The following CSMD1 variants were observed in gnomAD, a reference collection of about 807,000 sequenced individuals.
CSMD1 encodes the protein CUB and sushi domain-containing protein 1.
In CSMD1, 213 loss-of-function variants were observed where a neutral mutation model predicts 417.5. That is an observed-to-expected ratio of 0.51 (90% CI 0.46 to 0.57). The LOEUF is 0.57. Among genes scored for constraint, CSMD1 ranks in the 20% least tolerant of loss-of-function variants. The pLI is 0.00. For missense variants in CSMD1, 6,923 were observed against 4,529.7 expected, an observed-to-expected ratio of 1.53 and a Z score of -15.17; for synonymous variants, 2,862 against 1,736.8, an observed-to-expected ratio of 1.65 and a Z score of -16.11.
chr8:2,940,297 G>T (rs186329238), intron 69 of CSMD1, among the ~76,000 whole-genome samples: 1 of 152,146 alleles, frequency 6.6e-6, no homozygotes, highest in African/African-American at 2.4e-5. Flanking sequence ...CAGAAGTAGA[G>T]AACTAAAAGA....
intron 14 of CSMD1, 55 bp from the exon 15 acceptor site, chr8:3,406,276 T>TACTTGA: frequency 5.7e-6 from 8 of 1,409,294 alleles, no homozygotes; most frequent in Non-Finnish European, 7.7e-6. Flanking sequence ...ATTAATTACA[T>TACTTGA]GTATTAAAAA....
chr8:4,557,427 A>C (rs1276142862), intron 2 of CSMD1, among the ~76,000 whole-genome samples: 1 of 149,234 alleles, frequency 6.7e-6, no homozygotes, highest in African/African-American at 2.5e-5. Flanking sequence ...AAAATCTGCG[A>C]GGTTTTTTTT....
At chr8:4,950,790 G>A (rs1032270079) in intron 1 of CSMD1, among the ~76,000 whole-genome samples, 4 of 152,164 alleles carry the variant, frequency 2.6e-5, no homozygotes, top group East Asian at 1.9e-4. Context: ...GACAATGACC[G>A]TAAGCATCAC....
chr8:4,005,336 C>G (rs751858794), intron 4 of CSMD1, among the ~76,000 whole-genome samples: 1 of 152,146 alleles, frequency 6.6e-6, no homozygotes, highest in Non-Finnish European at 1.5e-5. Context: ...ATTCATTGTA[C>G]TTGCAGAAAA....
At chr8:3,585,420 G>A (rs1800559065) in intron 9 of CSMD1, among the ~76,000 whole-genome samples, 1 of 152,000 alleles carries the variant, frequency 6.6e-6, no homozygotes. Flanking sequence ...ATCATTTTAT[G>A]GCCAAAATTC....
At chr8:4,199,112 G>A (rs972066482) in intron 3 of CSMD1, among the ~76,000 whole-genome samples, 1 of 152,154 alleles carries the variant, frequency 6.6e-6, no homozygotes, top group Non-Finnish European at 1.5e-5. Context: ...AGCTTCTGCT[G>A]TCCGTAAAGT....
At position 3,106,541 on chromosome 8, in the gene CSMD1, G is replaced by A. The variant is rs1306213017; in HGVS notation, c.6936C>T (p.Leu2312=). ...AACAGTGCATACCTTCACATGTTGGGAGAGAACCCTCAAACTGCAACTGGG... is the reference window on the plus strand; with the variant it reads ...AACAGTGCATACCTTCACATGTTGGAAGAGAACCCTCAAACTGCAACTGGG... ...LSSQLQFEGS[L]PTCEAQCPAN... is the part of the protein sequence containing the mutation. Residue 2312 remains leucine, a synonymous_variant, in exon 46 of 70, where the codon CTC becomes CTT. Transcript: ENST00000635120. 1 of 1,611,880 alleles carries A rather than the reference G, an allele frequency of 6.2e-7. No homozygotes were observed. Among genetic ancestry groups the A allele is most frequent in the Non-Finnish European group, 8.5e-7 (1 of 1,178,088 alleles).
chr8:4,199,818 T>A (rs1405913672), intron 3 of CSMD1, among the ~76,000 whole-genome samples: 2 of 152,158 alleles, frequency 1.3e-5, no homozygotes, highest in Non-Finnish European at 2.9e-5. Context: ...TTTGTAGGTT[T>A]CCACTAGATA....
At chr8:3,822,354 G>C (rs114978644) in intron 5 of CSMD1, among the ~76,000 whole-genome samples, 3,910 of 152,190 alleles carry the variant, frequency 0.026, 70 homozygotes, top group African/African-American at 0.048. Context: ...TACTTTAAAA[G>C]TCGTTGAACT....
At chr8:4,324,049 T>G (rs1585233164) in intron 3 of CSMD1, among the ~76,000 whole-genome samples, 3 of 152,216 alleles carry the variant, frequency 2.0e-5, no homozygotes, top group East Asian at 3.9e-4. Context: ...CTCTGTGTAG[T>G]TCAAATTTAC....
At chr8:3,771,365 G>A (rs1049199545) in intron 5 of CSMD1, among the ~76,000 whole-genome samples, 6 of 152,142 alleles carry the variant, frequency 3.9e-5, no homozygotes, top group East Asian at 3.9e-4. Flanking sequence ...AGACGGCATT[G>A]CTTCACACTC....
chr8:3,905,296 C>T (rs939424898), intron 5 of CSMD1, among the ~76,000 whole-genome samples: 3 of 152,138 alleles, frequency 2.0e-5, no homozygotes, highest in South Asian at 2.1e-4. Context: ...CACTGAATAA[C>T]TTAAAGAAGG....
rs1408540721 is a variant in CSMD1 at position 3,029,403 on chromosome 8, C to A, written c.7771G>T (p.Gly2591Cys). ...GAQVLLSCSP[G>C]YYLEGWRLLR... ...AGCCTCCAGCCTTCTAAGTAGTAAC[C>A]AGGACTGCAGCTCAGCAATACTTGA... The change falls in exon 51 of 70, where the codon GGT (glycine) becomes TGT (cysteine). Residue 2591 changes from glycine (G) to cysteine (C), a missense_variant. By Grantham distance (159) the Gly-to-Cys change is radical. Coordinates refer to ENST00000635120, the MANE Select transcript of CSMD1 (RefSeq NM_033225.6). The A allele has an allele frequency of 6.2e-7, 1 of 1,612,008 alleles. No homozygotes were observed. Among genetic ancestry groups the A allele is most frequent in the Non-Finnish European group, 8.5e-7 (1 of 1,179,506 alleles).
intron 12 of CSMD1, among the ~76,000 whole-genome samples, chr8:3,461,833 G>C (rs1224868094): frequency 6.6e-6 from 1 of 152,204 alleles, no homozygotes; most frequent in African/African-American, 2.4e-5. Flanking sequence ...AGCCACACCT[G>C]AGCAGTGCAC....
chr8:4,983,872 G>A (rs1464982710), intron 1 of CSMD1, among the ~76,000 whole-genome samples: 1 of 152,106 alleles, frequency 6.6e-6, no homozygotes, highest in African/African-American at 2.4e-5. Context: ...AAAGATGGGT[G>A]GGCTTGAGAT....
At chr8:3,102,964 T>C (rs940395364) in intron 46 of CSMD1, among the ~76,000 whole-genome samples, 4 of 152,156 alleles carry the variant, frequency 2.6e-5, no homozygotes, top group African/African-American at 9.7e-5. Flanking sequence ...AACAAGTTTA[T>C]TGGGGTCTAA....
At chr8:3,640,818 G>C (rs542409534) in intron 7 of CSMD1, among the ~76,000 whole-genome samples, 1 of 152,030 alleles carries the variant, frequency 6.6e-6, no homozygotes, top group Non-Finnish European at 1.5e-5. Flanking sequence ...GGAAAGACCA[G>C]AGCAGGGCCT....
At chr8:4,365,732 T>C (rs1297886974) in intron 3 of CSMD1, among the ~76,000 whole-genome samples, 3 of 152,148 alleles carry the variant, frequency 2.0e-5, no homozygotes, top group African/African-American at 4.8e-5. Flanking sequence ...TAGGCTGAGC[T>C]TCCAGATTTG....
At chr8:4,927,640 T>G (rs1204378492) in intron 1 of CSMD1, among the ~76,000 whole-genome samples, 1 of 152,214 alleles carries the variant, frequency 6.6e-6, no homozygotes, top group East Asian at 1.9e-4. Flanking sequence ...GCAGGGCATC[T>G]ACATTGGTAT....
Sources: allele counts gnomAD v4.1 joint callset (sites outside exome capture counted in the v4.1 genomes callset), GRCh38; gene constraint gnomAD v4.1.1; transcripts MANE v1.5; gene names NCBI Gene and HGNC (gene_info 2026-07-23, HGNC 2026-07-21).